The following ATE1 variants were observed in gnomAD, a reference collection of about 807,000 sequenced individuals.
ATE1 encodes arginyltransferase 1.
A neutral mutation model predicts 70.5 loss-of-function variants in ATE1; 36 were observed. That is an observed-to-expected ratio of 0.51 (90% CI 0.39 to 0.67). The LOEUF is 0.67. ATE1 is among the 30% of genes least tolerant of loss of function. ATE1 has a pLI of 0.00. For synonymous variants in ATE1, 232 were observed against 219.3 expected (o/e 1.06, Z -0.51); for missense variants, 593 against 629.5 (o/e 0.94, Z 0.62).
intron 3 of ATE1, among the ~76,000 whole-genome samples, chr10:121,920,603 G>T (rs1381868394): frequency 6.6e-6 from 1 of 152,118 alleles, no homozygotes; most frequent in Admixed American, 6.6e-5. Context: ...ATGTTAGGGT[G>T]AGGTGAGAAG....
At chr10:121,909,556 C>T (rs1951338607) in intron 5 of ATE1, among the ~76,000 whole-genome samples, 1 of 152,056 alleles carries the variant, frequency 6.6e-6, no homozygotes, top group Non-Finnish European at 1.5e-5. Flanking sequence ...GTGGCTATGA[C>T]ATGAGTCAGT....
intron 7 of ATE1, among the ~76,000 whole-genome samples, chr10:121,892,197 G>C (rs1292492487): frequency 1.3e-5 from 2 of 152,118 alleles, no homozygotes; most frequent in Admixed American, 6.5e-5. Flanking sequence ...GTAGGCCAAG[G>C]GTTTGCCAAG....
At chr10:121,799,287 A>G (rs1033820258) in intron 10 of ATE1, among the ~76,000 whole-genome samples, 2 of 152,172 alleles carry the variant, frequency 1.3e-5, no homozygotes, top group Admixed American at 1.3e-4. Context: ...GCAGCCAGCA[A>G]TACTGAGGAC....
intron 7 of ATE1, among the ~76,000 whole-genome samples, chr10:121,870,717 A>G (rs1949824746): frequency 6.6e-6 from 1 of 152,230 alleles, no homozygotes; most frequent in Non-Finnish European, 1.5e-5. Flanking sequence ...ACTAAATGCT[A>G]TATGATCAGC....
chr10:121,759,042 T>C (rs1479613252), intron 11 of ATE1, among the ~76,000 whole-genome samples: 1 of 152,164 alleles, frequency 6.6e-6, no homozygotes, highest in Non-Finnish European at 1.5e-5. Flanking sequence ...GTTGCAAGTC[T>C]CTCACTTTAA....
chr10:121,818,428 A>G (rs1462416970), intron 10 of ATE1, among the ~76,000 whole-genome samples: 1 of 152,174 alleles, frequency 6.6e-6, no homozygotes, highest in East Asian at 1.9e-4. Flanking sequence ...GATTTCAGTA[A>G]TATTTTATAG....
chr10:121,791,307 T>C (rs1946447054), intron 10 of ATE1, among the ~76,000 whole-genome samples: 1 of 151,950 alleles, frequency 6.6e-6, no homozygotes. Flanking sequence ...CTGGCCAGGC[T>C]GGTCTCAAAC....
chr10:121,822,781 C>A (rs888124056), intron 10 of ATE1, among the ~76,000 whole-genome samples: 1 of 152,054 alleles, frequency 6.6e-6, no homozygotes, highest in Non-Finnish European at 1.5e-5. Context: ...CCACTGAGTA[C>A]CTTATTTGCC....
intron 11 of ATE1, among the ~76,000 whole-genome samples, chr10:121,754,737 A>T (rs1351624205): frequency 6.6e-6 from 1 of 152,236 alleles, no homozygotes; most frequent in Non-Finnish European, 1.5e-5. Flanking sequence ...AGCTTTCTAC[A>T]AAATATTTAC....
At chr10:121,869,022 T>C (rs10887004) in intron 8 of ATE1, among the ~76,000 whole-genome samples, 46,071 of 152,004 alleles carry the variant, frequency 0.3, 7,318 homozygotes, top group South Asian at 0.43. Context: ...TAAAATGAAA[T>C]AAACAATAGG....
intron 10 of ATE1, among the ~76,000 whole-genome samples, chr10:121,833,628 G>C (rs559568235): frequency 5.3e-4 from 80 of 151,848 alleles, no homozygotes; most frequent in Non-Finnish European, 9.3e-4. Flanking sequence ...CTTGGGGGAG[G>C]GGCAAAGGGA....
rs183109872 is a variant in ATE1 at position 121,921,284 on chromosome 10, C to T, written c.233+1065G>A. On this transcript the variant is annotated intron_variant, in intron 3 of 11. Coordinates refer to ENST00000224652, the MANE Select transcript of ATE1 (RefSeq NM_001001976.3). The stretch of plus-strand genomic sequence containing the variant: ...TTTGCCATCTTTATGTCTGAGTACC[C>T]AAGGTTTAGCTCCCACTTATAAGTG... 3.2e-4 allele frequency among the ~76,000 whole-genome samples: 49 copies of T among 151,750 alleles called. No homozygotes were observed. In the East Asian group the frequency reaches 3.9e-3, roughly 12 times the overall value.
chr10:121,917,175 T>C (rs1184817983), intron 3 of ATE1, among the ~76,000 whole-genome samples: 1 of 150,972 alleles, frequency 6.6e-6, no homozygotes, highest in Non-Finnish European at 1.5e-5. Flanking sequence ...AAAAAAAAAA[T>C]AGCCCAGGCT....
intron 9 of ATE1, among the ~76,000 whole-genome samples, chr10:121,840,408 G>T (rs1948585562): frequency 6.6e-6 from 1 of 152,144 alleles, no homozygotes; most frequent in South Asian, 2.1e-4. Flanking sequence ...TGAGGAAGGA[G>T]GATCACTTGA....
chr10:121,884,452 G>T (rs999741359), intron 7 of ATE1, among the ~76,000 whole-genome samples: 6 of 152,080 alleles, frequency 3.9e-5, no homozygotes, highest in African/African-American at 1.4e-4. Flanking sequence ...GGCCAGGTGT[G>T]GTGGCGTATG....
chr10:121,770,983 G>GA (rs1243283832), intron 11 of ATE1, among the ~76,000 whole-genome samples: 1 of 152,042 alleles, frequency 6.6e-6, no homozygotes, highest in Non-Finnish European at 1.5e-5. Flanking sequence ...GGCGGGGGGA[G>GA]AAACAAACAA....
At chr10:121,924,751 T>C (rs950105178) in intron 1 of ATE1, among the ~76,000 whole-genome samples, 2 of 150,956 alleles carry the variant, frequency 1.3e-5, no homozygotes, top group Non-Finnish European at 2.9e-5. Flanking sequence ...AAAACACTCA[T>C]ATTGGATAAA....
intron 10 of ATE1, among the ~76,000 whole-genome samples, chr10:121,796,217 G>A (rs4752599): frequency 0.93 from 141,141 of 152,180 alleles, 65,768 homozygotes; most frequent in Non-Finnish European, 0.97. Context: ...TACCAAGCAA[G>A]GGCACCTATT....
Position 121,740,641 on chromosome 10 carries a change from AT to A in ATE1, c.*3038del, listed in dbSNP as rs1944121747. ...TTTTCAAGTTAGCAACGACAGATAC[AT>A]TTTAGTTAACTGTTTCATATTCCTT... On this transcript the variant is annotated 3_prime_UTR_variant, in exon 12 of 12. Coordinates refer to ENST00000224652, the MANE Select transcript of ATE1 (RefSeq NM_001001976.3). 1 of 152,226 alleles carries A rather than the reference AT, an allele frequency of 6.6e-6. No individual in the cohort carries two copies. Among genetic ancestry groups the A allele is most frequent in the South Asian group, 2.1e-4 (1 of 4,832 alleles). 9.4% of individuals were successfully genotyped at this position (152,226 alleles called of 1,614,324 possible).
Sources: gnomAD v4.1 joint callset for allele counts (sites outside exome capture counted in the v4.1 genomes callset) on GRCh38, gnomAD v4.1.1 for gene constraint, MANE v1.5 for transcripts, NCBI Gene and HGNC (gene_info 2026-07-23, HGNC 2026-07-21) for gene names.